The following CNTNAP4 variants were observed in gnomAD, a reference collection of about 807,000 sequenced individuals.
The protein encoded by CNTNAP4 is contactin associated protein family member 4, also known as contactin-associated protein-like 4.
CNTNAP4 carries 98 observed loss-of-function variants against 148.4 expected under a neutral mutation model. That is an observed-to-expected ratio of 0.66 (90% confidence interval 0.56 to 0.78). The LOEUF is 0.78. CNTNAP4 is among the 30% of genes least tolerant of loss of function. The probability of loss-of-function intolerance (pLI) is 0.00; values close to 1 mark genes in which losing one functional copy is unlikely to be tolerated. For missense variants in CNTNAP4, 1,935 were observed against 1,565.6 expected (o/e 1.24, Z -3.98); for synonymous variants, 730 against 565.1 (o/e 1.29, Z -4.14).
chr16:76,385,849 A>G (rs185928065), intron 3 of CNTNAP4, among the ~76,000 whole-genome samples: 1 of 152,062 alleles, frequency 6.6e-6, no homozygotes, highest in Non-Finnish European at 1.5e-5. Context: ...CCTAACACAT[A>G]TTTTCTCCGT....
chr16:76,494,835 A>G (rs985255785), intron 13 of CNTNAP4, 75 bp from the exon 14 acceptor site: 11 of 1,405,156 alleles, frequency 7.8e-6, no homozygotes, highest in Non-Finnish European at 9.8e-6. Flanking sequence ...TGATTTTGGA[A>G]GAAAAGGAAT....
At chr16:76,313,860 A>AT (rs1961411233) in intron 1 of CNTNAP4, among the ~76,000 whole-genome samples, 1 of 152,200 alleles carries the variant, frequency 6.6e-6, no homozygotes. Context: ...ACCCTGTATA[A>AT]TTTTAAATTA....
intron 10 of CNTNAP4, 30 bp downstream of exon 10, chr16:76,467,553 G>A (rs1195649567): frequency 6.5e-7 from 1 of 1,540,464 alleles, no homozygotes; most frequent in South Asian, 1.2e-5. Context: ...ATTTTGACCT[G>A]CTTTCAAACT....
intron 7 of CNTNAP4, among the ~76,000 whole-genome samples, chr16:76,450,290 G>T (rs2080411978): frequency 6.6e-6 from 1 of 151,890 alleles, no homozygotes. Flanking sequence ...GCTGGGACTT[G>T]TAGTCCTGCC....
At chr16:76,547,005 G>A (rs1346438011) in intron 21 of CNTNAP4, among the ~76,000 whole-genome samples, 1 of 152,130 alleles carries the variant, frequency 6.6e-6, no homozygotes, top group Admixed American at 6.5e-5. Flanking sequence ...CTAGAGGATG[G>A]GGAAGAAAGC....
At chr16:76,552,941 CA>C (rs2085019733) in intron 21 of CNTNAP4, among the ~76,000 whole-genome samples, 2 of 152,180 alleles carry the variant, frequency 1.3e-5, no homozygotes, top group Admixed American at 1.3e-4. Context: ...ATATTGACTA[CA>C]AGCCCTATTG....
intron 4 of CNTNAP4, 58 bp downstream of exon 4, chr16:76,427,657 C>A: frequency 2.1e-6 from 3 of 1,442,096 alleles, no homozygotes; most frequent in South Asian, 1.5e-5. Context: ...GTTTTAAAAG[C>A]CAAACTACAA....
At chr16:76,350,609 C>T (rs1392889111) in intron 2 of CNTNAP4, among the ~76,000 whole-genome samples, 2 of 152,134 alleles carry the variant, frequency 1.3e-5, no homozygotes, top group Non-Finnish European at 2.9e-5. Context: ...TTTTTCAAAG[C>T]TCAACTTTGC....
rs568528808 is a variant in CNTNAP4, at chr16:76,301,297, C to T, written c.86-15116C>T. Among the ~76,000 whole-genome samples the T allele has an allele frequency of 3.9e-5, 6 of 152,240 alleles. No individual in the cohort carries two copies. The East Asian group carries it at 7.7e-4, about 20-fold the overall frequency. ...ATCATATTAATAGCTCCAAGGGTTA[C>T]TTTCAACTGATGATTTTAAGTTCTA... On this transcript the variant is annotated intron_variant, in intron 1 of 23. Coordinates refer to ENST00000611870, the MANE Select transcript of CNTNAP4 (RefSeq NM_033401.5).
intron 2 of CNTNAP4, among the ~76,000 whole-genome samples, chr16:76,340,516 T>G (rs1413007721): frequency 6.6e-6 from 1 of 152,002 alleles, no homozygotes; most frequent in Non-Finnish European, 1.5e-5. Context: ...GCCCTATCCC[T>G]CTCCAACATC....
At chr16:76,463,491 A>C (rs2081059542) in intron 9 of CNTNAP4, among the ~76,000 whole-genome samples, 1 of 152,182 alleles carries the variant, frequency 6.6e-6, no homozygotes, top group Non-Finnish European at 1.5e-5. Flanking sequence ...TATATCACAC[A>C]TGTACTCTGT....
chr16:76,474,300 A>G (rs1019007076), intron 10 of CNTNAP4, among the ~76,000 whole-genome samples: 53 of 152,290 alleles, frequency 3.5e-4, no homozygotes, highest in African/African-American at 1.2e-3. Flanking sequence ...AGTGGCTGGG[A>G]GAAGATTTAC....
chr16:76,469,675 G>A (rs2081298182), intron 10 of CNTNAP4: 1 of 152,180 alleles, frequency 6.6e-6, no homozygotes, highest in African/African-American at 2.4e-5. Flanking sequence ...GTAAAATAGA[G>A]GACCATCAGC....
chr16:76,510,285 A>G (rs556763963), intron 15 of CNTNAP4, among the ~76,000 whole-genome samples: 1 of 152,186 alleles, frequency 6.6e-6, no homozygotes, highest in African/African-American at 2.4e-5. Flanking sequence ...ACTTAGCATC[A>G]TATTGTCAAG....
intron 2 of CNTNAP4, among the ~76,000 whole-genome samples, chr16:76,337,314 C>T (rs779569846): frequency 6.6e-5 from 10 of 152,086 alleles, no homozygotes; most frequent in Non-Finnish European, 1.5e-4. Context: ...TTTCTATTTT[C>T]CCTAAATGTC....
At chr16:76,439,888 G>T (rs1385838088) in intron 4 of CNTNAP4, among the ~76,000 whole-genome samples, 1 of 152,008 alleles carries the variant, frequency 6.6e-6, no homozygotes, top group Non-Finnish European at 1.5e-5. Context: ...TGAGTACTTG[G>T]TCTCTCTTCT....
chr16:76,335,052 A>G (rs374124382), intron 2 of CNTNAP4, among the ~76,000 whole-genome samples: 18 of 152,206 alleles, frequency 1.2e-4, no homozygotes, highest in East Asian at 7.8e-4. Flanking sequence ...AGCTTTATTC[A>G]CAGAAGAGAG....
At chr16:76,284,873 G>T (rs1387512343) in intron 1 of CNTNAP4, among the ~76,000 whole-genome samples, 1 of 152,040 alleles carries the variant, frequency 6.6e-6, no homozygotes, top group Non-Finnish European at 1.5e-5. Context: ...TGATGGCTCT[G>T]TGTTGGTAAA....
chr16:76,316,066 T>A lies in CNTNAP4; in HGVS notation c.86-347T>A, dbSNP rs1961703242. 1.1e-5 allele frequency: 4 copies of A among 360,160 alleles called. No homozygotes were observed. The Admixed American group carries it at 1.7e-4, about 16-fold the overall frequency. The allele number at this position is 360,160 out of a possible 1,614,324, so 22.3% of individuals were successfully genotyped here. On this transcript the variant is annotated intron_variant, in intron 1 of 23. Coordinates refer to ENST00000611870, the MANE Select transcript of CNTNAP4 (RefSeq NM_033401.5). ...TTTCTCCATTTTGTGATTTTTCTTTTTAATTTCTTTACAGTGTCTTTTGGA... is the reference window on the plus strand; with the variant it reads ...TTTCTCCATTTTGTGATTTTTCTTTATAATTTCTTTACAGTGTCTTTTGGA...
Sources: allele counts gnomAD v4.1 joint callset (sites outside exome capture counted in the v4.1 genomes callset), GRCh38; gene constraint gnomAD v4.1.1; transcripts MANE v1.5; gene names NCBI Gene and HGNC (gene_info 2026-07-23, HGNC 2026-07-21).